Variants in NRAP observed in about 807,000 individuals in gnomAD.
The protein encoded by NRAP is nebulin related anchoring protein, also known as nebulin-related-anchoring protein.
NRAP carries 189 observed loss-of-function variants against 225.9 expected under a neutral mutation model. The ratio of observed to expected loss-of-function variants is 0.84; its 90% CI spans 0.74 to 0.94. The LOEUF (loss-of-function observed/expected upper bound fraction) is 0.94, where lower values mean the gene tolerates loss of function less well. Among genes scored for constraint, NRAP ranks in the 40% least tolerant of loss-of-function variants. The probability of loss-of-function intolerance (pLI) is 0.00; values close to 1 mark genes in which losing one functional copy is unlikely to be tolerated. For synonymous variants in NRAP, 769 were observed against 790.7 expected, an observed-to-expected ratio of 0.97 and a Z score of 0.46; for missense variants, 2,176 against 2,168.7, an observed-to-expected ratio of 1.00 and a Z score of -0.07.
chr10:113,659,555 G>A (rs1302355362), intron 3 of NRAP, among the ~76,000 whole-genome samples: 5 of 152,220 alleles, frequency 3.3e-5, no homozygotes, highest in African/African-American at 4.8e-5. Context: ...GGGACCTTTC[G>A]TGAGATTCAG....
At chr10:113,608,609 T>C (rs1253438011) in intron 31 of NRAP, 97 bp from the exon 32 acceptor site, 1 of 769,534 alleles carries the variant, frequency 1.3e-6, no homozygotes, top group African/African-American at 1.7e-5. Context: ...AAGCCTCGTT[T>C]TGCAAAGGCT....
intron 32 of NRAP, among the ~76,000 whole-genome samples, chr10:113,607,399 CAAAAAAAAAAAAAAAAAAAAAAAAAAAA>C (rs543627940): frequency 1.5e-5 from 1 of 68,602 alleles, no homozygotes; most frequent in Non-Finnish European, 2.8e-5. Context: ...GAAACTCCGT[CAAAAAAAAAAAAAAAAAAAAAAAAAAAA>C]AAAAAAAAAG....
rs1185062479 is a variant in NRAP, at chr10:113,597,105, C to A, written c.4412G>T (p.Ser1471Ile). 3 of 1,612,626 alleles carry A rather than the reference C, an allele frequency of 1.9e-6. No homozygotes were observed. Among genetic ancestry groups the A allele is most frequent in the Non-Finnish European group, 2.5e-6 (3 of 1,178,740 alleles). ...DSPDLVHAKNSYMHCNERMYR... is the reference protein window; with the variant it reads ...DSPDLVHAKNIYMHCNERMYR... ...ACCCACCTCATTGCAGTGCATATAGCTGTTCTTGGCATGAACCAGGTCTGG... is the reference window on the plus strand; with the variant it reads ...ACCCACCTCATTGCAGTGCATATAGATGTTCTTGGCATGAACCAGGTCTGG... Residue 1471 changes from serine to isoleucine, a missense_variant, in exon 37 of 42, where the codon AGC (serine) becomes ATC (isoleucine). Coordinates refer to ENST00000359988, the MANE Select transcript of NRAP (RefSeq NM_198060.4).
chr10:113,608,984 C>A (rs2133916902), intron 31 of NRAP, among the ~76,000 whole-genome samples: 1 of 152,254 alleles, frequency 6.6e-6, no homozygotes, highest in African/African-American at 2.4e-5. Flanking sequence ...CATGGCGAAA[C>A]CCTGTCTCTA....
intron 29 of NRAP, among the ~76,000 whole-genome samples, chr10:113,612,689 A>C (rs1847407025): frequency 6.6e-6 from 1 of 152,186 alleles, no homozygotes; most frequent in Admixed American, 6.5e-5. Flanking sequence ...AGGAACATAC[A>C]AAAGTCCAAG....
intron 15 of NRAP, among the ~76,000 whole-genome samples, chr10:113,633,854 C>G (rs1479337132): frequency 6.6e-6 from 1 of 152,060 alleles, no homozygotes; most frequent in African/African-American, 2.4e-5. Flanking sequence ...ATAGATGAAG[C>G]AGGGTGGCCA....
At chr10:113,594,782 A>G (rs370000985) in intron 38 of NRAP, among the ~76,000 whole-genome samples, 1 of 152,352 alleles carries the variant, frequency 6.6e-6, no homozygotes. Flanking sequence ...CCTCTCGCCA[A>G]TCCCTGCAAG....
intron 23 of NRAP, 103 bp from the exon 24 acceptor site, chr10:113,622,283 T>A: frequency 1.3e-6 from 1 of 745,056 alleles, no homozygotes; most frequent in Non-Finnish European, 2.2e-6. Flanking sequence ...TTGGACAGAA[T>A]CCTATTAGAA....
intron 3 of NRAP, among the ~76,000 whole-genome samples, chr10:113,660,365 GCACA>G (rs1564767750): frequency 2.0e-5 from 3 of 151,482 alleles, no homozygotes; most frequent in African/African-American, 7.3e-5. Context: ...CTCTCCGGAT[GCACA>G]CACACATATA....
In NRAP at chr10:113,641,485, G is replaced by C; in HGVS notation, c.1216-13C>G. 1 of 1,551,966 alleles carries C rather than the reference G, an allele frequency of 6.4e-7. No homozygotes were observed. The highest frequency in any genetic ancestry group is 1.4e-5 in the African/African-American group (1 of 73,702). On this transcript the variant is annotated splice_polypyrimidine_tract_variant and intron_variant, in intron 12 of 41. Transcript: ENST00000359988. Reference sequence around the variant, plus strand: ...CTTTATATTTATTCTACATGGAAACGCAAAGTTTTCAACCAAAGCATTCCC... The same window carrying C: ...CTTTATATTTATTCTACATGGAAACCCAAAGTTTTCAACCAAAGCATTCCC...
chr10:113,641,317 T>G (rs757965438), intron 13 of NRAP, 48 bp downstream of exon 13: 1 of 1,116,734 alleles, frequency 9.0e-7, no homozygotes, highest in Admixed American at 2.0e-5. Flanking sequence ...GAATTCTTCA[T>G]GCCCTGCCCC....
intron 29 of NRAP, 78 bp from the exon 30 acceptor site, chr10:113,612,509 A>T: frequency 3.4e-6 from 4 of 1,175,072 alleles, no homozygotes; most frequent in Non-Finnish European, 5.0e-6. Flanking sequence ...GGCAACTGCA[A>T]TGCAGTTGTC....
At chr10:113,604,986 A>T (rs1846863690) in intron 34 of NRAP, 66 bp from the exon 35 acceptor site, 4 of 1,529,026 alleles carry the variant, frequency 2.6e-6, no homozygotes, top group Non-Finnish European at 3.5e-6. Context: ...TAGAAAAATC[A>T]CTTGTTCTTA....
intron 35 of NRAP, among the ~76,000 whole-genome samples, chr10:113,599,423 A>AGAG (rs1457748701): frequency 6.6e-6 from 1 of 152,254 alleles, no homozygotes; most frequent in Non-Finnish European, 1.5e-5. Context: ...GATAAAGAAC[A>AGAG]GAGAAAATTG....
chr10:113,595,734 A>C lies in NRAP; in HGVS notation c.4432-7T>G, dbSNP rs1846252261. 1 of 1,574,750 alleles carries C rather than the reference A, an allele frequency of 6.4e-7. No individual in the cohort carries two copies. The highest frequency in any genetic ancestry group is 8.7e-7 in the Non-Finnish European group (1 of 1,144,408). On this transcript the variant is annotated splice_region_variant and splice_polypyrimidine_tract_variant and intron_variant, in intron 37 of 41. Coordinates refer to ENST00000359988, the MANE Select transcript of NRAP (RefSeq NM_198060.4). ...CTCCAGATCTATACATGCGCTGTAG[A>C]TAAGATGGGCTCATGGTAAATAGAG...
intron 38 of NRAP, 123 bp downstream of exon 38, chr10:113,595,500 G>T: frequency 1.6e-6 from 1 of 636,974 alleles, no homozygotes. Context: ...TCTCAGTTCA[G>T]TGTCCTTTCT....
At chr10:113,589,569 T>G (rs1845819224) in intron 41 of NRAP, 97 bp downstream of exon 41, 3 of 1,445,584 alleles carry the variant, frequency 2.1e-6, no homozygotes, top group South Asian at 1.3e-5. Flanking sequence ...TAGAGCTAGC[T>G]GACCTTTGGC....
rs560799737 is a variant in NRAP, at chr10:113,594,646, A to G, written c.4536+977T>C. On this transcript the variant is annotated intron_variant, in intron 38 of 41. Transcript: ENST00000359988. ...CTGCTGTTCTAAAATTATCCCCTGC[A>G]CATCCCTCAAAAGCATCAAATGGTC... Among the ~76,000 whole-genome samples the G allele has an allele frequency of 1.1e-4, 16 of 152,352 alleles. 2 individuals are homozygous for G. Among genetic ancestry groups the G allele is most frequent in the African/African-American group, 3.8e-4 (16 of 41,594 alleles).
rs190080388 is a variant in NRAP, at chr10:113,629,591, G to A, written c.2037C>T (p.Ser679=). 1.6e-5 allele frequency: 26 copies of A among 1,601,742 alleles called. No individual in the cohort carries two copies. Among genetic ancestry groups the A allele is most frequent in the South Asian group, 6.6e-5 (6 of 90,816 alleles). ...QWAKKAYGLQ[S]ELQYKADLAW... ...AACTGATAATGTGTGGGCTCACCTC[G>A]CTCTGGAGCCCATAGGCCTTCTTGG... The change falls in exon 19 of 42, where the codon AGC becomes AGT. Residue 679 remains serine, a synonymous_variant. Coordinates refer to ENST00000359988, the MANE Select transcript of NRAP (RefSeq NM_198060.4).
Sources: gnomAD v4.1 joint callset for allele counts (sites outside exome capture counted in the v4.1 genomes callset) on GRCh38, gnomAD v4.1.1 for gene constraint, MANE v1.5 for transcripts, NCBI Gene and HGNC (gene_info 2026-07-23, HGNC 2026-07-21) for gene names.